AKAP13: variants seen among roughly 807,000 people sequenced by gnomAD.
AKAP13 encodes A-kinase anchoring protein 13.
Under a neutral mutation model 264.5 loss-of-function variants are expected in AKAP13, and 80 were observed. The ratio of observed to expected loss-of-function variants is 0.30; its 90% CI spans 0.25 to 0.36. The LOEUF is 0.36. Among genes scored for constraint, AKAP13 ranks in the 10% least tolerant of loss-of-function variants. The pLI is 1.00. For synonymous variants in AKAP13, 1,380 were observed against 1,250.2 expected, an observed-to-expected ratio of 1.10 and a Z score of -2.19; for missense variants, 3,712 against 3,435.2, an observed-to-expected ratio of 1.08 and a Z score of -2.01.
intron 8 of AKAP13, among the ~76,000 whole-genome samples, chr15:85,623,624 C>T (rs944009162): frequency 1.3e-5 from 2 of 152,200 alleles, no homozygotes; most frequent in African/African-American, 4.8e-5. Context: ...CACATCAGCT[C>T]TTCTGTCCCA....
At chr15:85,489,758 A>T (rs995557358) in intron 2 of AKAP13, among the ~76,000 whole-genome samples, 8 of 152,244 alleles carry the variant, frequency 5.3e-5, no homozygotes, top group African/African-American at 1.9e-4. Flanking sequence ...TTGAATAAAG[A>T]TGTGTCCAGA....
intron 1 of AKAP13, among the ~76,000 whole-genome samples, chr15:85,397,808 G>C (rs958691880): frequency 6.6e-6 from 1 of 152,194 alleles, no homozygotes; most frequent in African/African-American, 2.4e-5. Context: ...ATAAGATGTA[G>C]TCACTGCCCT....
chr15:85,611,443 ACTT>A (rs2151391058), intron 8 of AKAP13, among the ~76,000 whole-genome samples: 1 of 152,216 alleles, frequency 6.6e-6, no homozygotes, highest in South Asian at 2.1e-4. Flanking sequence ...CCATCGTCAC[ACTT>A]CTTTTACTTC....
At chr15:85,399,522 AT>A (rs772751368) in intron 1 of AKAP13, among the ~76,000 whole-genome samples, 12,653 of 119,642 alleles carry the variant, frequency 0.11, 1,159 homozygotes, top group Non-Finnish European at 0.13. Flanking sequence ...AAAAAAAAAA[AT>A]AAAAAAATAA....
At position 85,428,498 on chromosome 15, in the gene AKAP13, C is replaced by G. The variant is rs1393500579; in HGVS notation, c.-12+47700C>G. Among the ~76,000 whole-genome samples the G allele has an allele frequency of 2.6e-5, 4 of 152,354 alleles. No homozygotes were observed. In the East Asian group the frequency reaches 7.7e-4, roughly 29 times the overall value. ...ACAGGCATGAGCCACCTCGCCTGGC[C>G]TTACCCTTATTTAAAGCTGTGAAGG... On this transcript the variant is annotated intron_variant, in intron 1 of 36. Transcript: ENST00000394518.
intron 1 of AKAP13, among the ~76,000 whole-genome samples, chr15:85,419,213 C>T (rs755008139): frequency 2.0e-5 from 3 of 152,174 alleles, no homozygotes; most frequent in Non-Finnish European, 4.4e-5. Context: ...TTTGCAAGTA[C>T]TTTGCAAACT....
At chr15:85,713,108 C>T (rs1051303481) in intron 19 of AKAP13, among the ~76,000 whole-genome samples, 1 of 152,170 alleles carries the variant, frequency 6.6e-6, no homozygotes, top group Admixed American at 6.5e-5. Context: ...TGTTAGCTTT[C>T]ACTGCTATGA....
At chr15:85,737,690 A>G (rs1597229268) in intron 33 of AKAP13, among the ~76,000 whole-genome samples, 1 of 152,102 alleles carries the variant, frequency 6.6e-6, no homozygotes, top group East Asian at 1.9e-4. Context: ...TGCTCTCTGG[A>G]TCTGCTGCTT....
rs1243905095 is a variant in AKAP13 at position 85,442,563 on chromosome 15, A to T, written c.-11-43147A>T. ...TATTATATATATATTTATTTCTAGC[A>T]TGAGAATGATGAAACTCTTCTTAAA... On this transcript the variant is annotated intron_variant, in intron 1 of 36. Coordinates refer to ENST00000394518, the MANE Select transcript of AKAP13 (RefSeq NM_007200.5). Among the ~76,000 whole-genome samples the T allele has an allele frequency of 4.4e-5, 6 of 137,764 alleles. No homozygotes were observed. In the South Asian group the frequency reaches 1.3e-3, roughly 30 times the overall value. The allele number at this position is 137,764 out of a possible 152,430, so 90.4% of individuals were successfully genotyped here.
chr15:85,524,875 C>CTA (rs369698691), intron 3 of AKAP13, among the ~76,000 whole-genome samples: 3 of 147,230 alleles, frequency 2.0e-5, no homozygotes, highest in Admixed American at 6.8e-5. Flanking sequence ...CCCCATTCCC[C>CTA]TGTGTGTGTG....
At chr15:85,467,711 C>T (rs1038257125) in intron 1 of AKAP13, among the ~76,000 whole-genome samples, 1 of 152,088 alleles carries the variant, frequency 6.6e-6, no homozygotes, top group Non-Finnish European at 1.5e-5. Flanking sequence ...TCTGCAGTAC[C>T]GAACACAATA....
intron 5 of AKAP13, among the ~76,000 whole-genome samples, chr15:85,570,944 G>A (rs914656732): frequency 2.0e-5 from 3 of 151,848 alleles, no homozygotes; most frequent in Non-Finnish European, 4.4e-5. Context: ...GTGGGGAAAT[G>A]CATTGTTGTT....
intron 8 of AKAP13, among the ~76,000 whole-genome samples, chr15:85,602,820 A>G (rs2080150352): frequency 6.6e-6 from 1 of 152,212 alleles, no homozygotes; most frequent in Admixed American, 6.5e-5. Flanking sequence ...TTACTCATGC[A>G]TAATTTTGTA....
intron 1 of AKAP13, among the ~76,000 whole-genome samples, chr15:85,465,232 G>A (rs1031288339): frequency 4.6e-5 from 7 of 151,952 alleles, no homozygotes; most frequent in Admixed American, 6.6e-5. Context: ...GATTACAGGC[G>A]TGAGCCACCA....
intron 5 of AKAP13, among the ~76,000 whole-genome samples, chr15:85,546,321 A>AACACACAC (rs60271542): frequency 0.035 from 5,127 of 145,172 alleles, 137 homozygotes; most frequent in Middle Eastern, 0.08. Context: ...GTTGTTACCA[A>AACACACAC]ACACACACAC....
At chr15:85,610,104 A>C (rs2080537264) in intron 8 of AKAP13, among the ~76,000 whole-genome samples, 1 of 152,202 alleles carries the variant, frequency 6.6e-6, no homozygotes, top group African/African-American at 2.4e-5. Flanking sequence ...TGGGTAAAGA[A>C]ATTTGGCTAA....
At chr15:85,568,969 C>T (rs570203187) in intron 5 of AKAP13, among the ~76,000 whole-genome samples, 11 of 152,158 alleles carry the variant, frequency 7.2e-5, no homozygotes, top group Non-Finnish European at 2.9e-5. Flanking sequence ...CTGAACTAGA[C>T]CAGTGCCTGT....
At chr15:85,586,187 T>C (rs1316538693) in intron 8 of AKAP13, among the ~76,000 whole-genome samples, 2 of 151,928 alleles carry the variant, frequency 1.3e-5, no homozygotes, top group East Asian at 3.9e-4. Context: ...TTCCTTCTTT[T>C]TCTTTTTCTT....
At position 85,544,013 on chromosome 15, in the gene AKAP13, A is replaced by T. The variant is rs149861867; in HGVS notation, c.662+58A>T. The T allele has an allele frequency of 1.3e-4, 205 of 1,586,402 alleles. No individual in the cohort carries two copies. In the African/African-American group the frequency reaches 1.5e-3, roughly 12 times the overall value. The stretch of plus-strand genomic sequence containing the variant: ...TCATCCCCAGCCCCACCCCCGATTC[A>T]TAGGAGTACCACCCACTTGGCATCT... On this transcript the variant is annotated intron_variant, in intron 5 of 36. Transcript: ENST00000394518.
Sources: gnomAD v4.1 joint callset for allele counts (sites outside exome capture counted in the v4.1 genomes callset) on GRCh38, gnomAD v4.1.1 for gene constraint, MANE v1.5 for transcripts, NCBI Gene and HGNC (gene_info 2026-07-23, HGNC 2026-07-21) for gene names.